The following PPP2R2B variants were observed in gnomAD, a reference collection of about 807,000 sequenced individuals.
PPP2R2B encodes protein phosphatase 2 regulatory subunit Bbeta, also known as serine/threonine-protein phosphatase 2A 55 kDa regulatory subunit B beta isoform.
PPP2R2B carries 5 observed loss-of-function variants against 46.0 expected under a neutral mutation model. The ratio of observed to expected loss-of-function variants is 0.11; its 90% CI spans 0.06 to 0.23. PPP2R2B has a LOEUF of 0.23. Among genes scored for constraint, PPP2R2B ranks in the 10% least tolerant of loss-of-function variants. PPP2R2B has a pLI of 1.00. For synonymous variants in PPP2R2B, 215 were observed against 206.7 expected (o/e 1.04, Z -0.34); for missense variants, 367 against 575.0 (o/e 0.64, Z 3.70).
At chr5:146,762,821 C>G (rs1022941268) in intron 2 of PPP2R2B, among the ~76,000 whole-genome samples, 2 of 152,164 alleles carry the variant, frequency 1.3e-5, no homozygotes, top group Non-Finnish European at 2.9e-5. Context: ...TCATAGAAGG[C>G]CTGGGCGACT....
At chr5:146,806,952 CT>C (rs1675846760) in intron 2 of PPP2R2B, among the ~76,000 whole-genome samples, 1 of 152,188 alleles carries the variant, frequency 6.6e-6, no homozygotes, top group Non-Finnish European at 1.5e-5. Context: ...AGGTCTACCC[CT>C]GTGGGTCTCC....
chr5:146,599,189 A>G (rs1771532026), intron 8 of PPP2R2B, among the ~76,000 whole-genome samples: 1 of 152,090 alleles, frequency 6.6e-6, no homozygotes, highest in Non-Finnish European at 1.5e-5. Context: ...AAACCACCCT[A>G]TACAATGCCT....
intron 1 of PPP2R2B, among the ~76,000 whole-genome samples, chr5:146,925,770 A>C (rs1763762806): frequency 6.6e-6 from 1 of 151,948 alleles, no homozygotes; most frequent in Non-Finnish European, 1.5e-5. Context: ...TTCCCCTGAC[A>C]TGGTTGTTTC....
chr5:147,078,381 C>T (rs1281102783), intron 2 of PPP2R2B, among the ~76,000 whole-genome samples: 2 of 152,112 alleles, frequency 1.3e-5, no homozygotes, highest in African/African-American at 4.8e-5. Flanking sequence ...GTCACAACGA[C>T]AAGATTTAAG....
chr5:146,916,044 C>T (rs937121906), intron 1 of PPP2R2B, among the ~76,000 whole-genome samples: 4 of 152,086 alleles, frequency 2.6e-5, no homozygotes, highest in Admixed American at 2.6e-4. Flanking sequence ...AAACTAAAAG[C>T]TCCTTGAAGA....
At chr5:146,742,905 G>T (rs1247476251) in intron 2 of PPP2R2B, among the ~76,000 whole-genome samples, 2 of 152,198 alleles carry the variant, frequency 1.3e-5, no homozygotes, top group Non-Finnish European at 2.9e-5. Flanking sequence ...TGATGCATCT[G>T]CAAGCCAAGG....
rs564098095 is a variant in PPP2R2B at position 146,735,325 on chromosome 5, A to C, written c.71-34183T>G. 6.3e-4 allele frequency among the ~76,000 whole-genome samples: 95 copies of C among 150,366 alleles called. 1 individual carries two copies. The highest frequency in any genetic ancestry group is 4.5e-3 in the South Asian group (21 of 4,636). On this transcript the variant is annotated intron_variant, in intron 2 of 9. Transcript: ENST00000394411. ...TAGCAAACAGTCCCCTCCCACCAAA[A>C]CCCCCCCCACAATCCTTCTACTCTC...
At chr5:146,778,583 T>C (rs1170352242) in intron 2 of PPP2R2B, among the ~76,000 whole-genome samples, 1 of 152,214 alleles carries the variant, frequency 6.6e-6, no homozygotes, top group East Asian at 1.9e-4. Context: ...GGTGCCACAG[T>C]ACCATCTTTC....
chr5:146,691,379 G>A (rs137904118), intron 4 of PPP2R2B, 139 bp from the exon 5 acceptor site: 16 of 633,778 alleles, frequency 2.5e-5, no homozygotes, highest in South Asian at 1.6e-4. Context: ...AACGTTTGGC[G>A]TGCATAAATC....
At chr5:146,925,077 T>C (rs754704238) in intron 1 of PPP2R2B, among the ~76,000 whole-genome samples, 9 of 152,314 alleles carry the variant, frequency 5.9e-5, no homozygotes, top group Non-Finnish European at 1.2e-4. Context: ...CTTTGTGCTA[T>C]TACTGTCCTA....
rs192836770 is a variant in PPP2R2B, at chr5:146,658,353, T to C, written c.448-7629A>G. 6.6e-5 allele frequency among the ~76,000 whole-genome samples: 10 copies of C among 152,330 alleles called. No homozygotes were observed. In the East Asian group the frequency reaches 1.9e-3, roughly 29 times the overall value. ...CGCTTCAAATTTATCACCTTGCCTT[T>C]TCACTGGGCTTCCTTCAAGAAACAG... On this transcript the variant is annotated intron_variant, in intron 5 of 9. Transcript: ENST00000394411.
chr5:146,820,742 C>T (rs969370516), intron 2 of PPP2R2B, among the ~76,000 whole-genome samples: 7 of 152,032 alleles, frequency 4.6e-5, no homozygotes, highest in Non-Finnish European at 8.8e-5. Context: ...AATTGACCTC[C>T]GTCTCCTCCC....
chr5:146,627,847 T>C (rs982836942), intron 7 of PPP2R2B, among the ~76,000 whole-genome samples: 4 of 152,186 alleles, frequency 2.6e-5, no homozygotes, highest in African/African-American at 9.6e-5. Flanking sequence ...GACAATGAAA[T>C]TTCTGATTTG....
At chr5:146,832,686 C>A (rs578151297) in intron 2 of PPP2R2B, among the ~76,000 whole-genome samples, 1 of 152,054 alleles carries the variant, frequency 6.6e-6, no homozygotes, top group East Asian at 1.9e-4. Flanking sequence ...CCACTGTGCC[C>A]GGCCATTTTT....
chr5:146,717,370 C>G (rs1205844499), intron 2 of PPP2R2B, among the ~76,000 whole-genome samples: 1 of 152,212 alleles, frequency 6.6e-6, no homozygotes, highest in Non-Finnish European at 1.5e-5. Context: ...TATGAAAAAG[C>G]TTCAAACTTG....
chr5:146,740,584 C>G (rs1360866669), intron 2 of PPP2R2B, among the ~76,000 whole-genome samples: 1 of 103,476 alleles, frequency 9.7e-6, no homozygotes. Flanking sequence ...CACACACACA[C>G]ACACACACAC....
Position 146,983,390 on chromosome 5 carries a change from C to G in PPP2R2B, c.79+72275G>C, listed in dbSNP as rs895577581. Among the ~76,000 whole-genome samples, 11 of 152,042 alleles carry G rather than the reference C, an allele frequency of 7.2e-5. No homozygotes were observed. The East Asian group carries it at 1.7e-3, about 24-fold the overall frequency. ...AGAGACGGGGTTTCACCATGTTAGCCAGGATGGTCTTGATCTCCTGACCTC... is the reference window on the plus strand; with the variant it reads ...AGAGACGGGGTTTCACCATGTTAGCGAGGATGGTCTTGATCTCCTGACCTC... On this transcript the variant is annotated intron_variant, in intron 1 of 8. Coordinates refer to the PPP2R2B transcript ENST00000336640.
intron 1 of PPP2R2B, among the ~76,000 whole-genome samples, chr5:146,968,447 C>T (rs1048287689): frequency 6.6e-6 from 1 of 152,140 alleles, no homozygotes; most frequent in Non-Finnish European, 1.5e-5. Flanking sequence ...TGATGGCCAA[C>T]TGGCTTGCTA....
At position 146,691,122 on chromosome 5, in the gene PPP2R2B, A is replaced by G; in HGVS notation, c.447+6T>C. On this transcript the variant is annotated splice_donor_region_variant and intron_variant, in intron 5 of 9. Coordinates refer to ENST00000394411, the MANE Select transcript of PPP2R2B (RefSeq NM_181675.4). ...TGTGGTGGCCAGGGCAGCTGTTTGCACTCACCCGCAGGGTTGTGATGGTGG... is the reference window on the plus strand; with the variant it reads ...TGTGGTGGCCAGGGCAGCTGTTTGCGCTCACCCGCAGGGTTGTGATGGTGG... 1.9e-6 allele frequency: 3 copies of G among 1,612,936 alleles called. No homozygotes were observed. Among genetic ancestry groups the G allele is most frequent in the South Asian group, 2.2e-5 (2 of 90,986 alleles).
Sources: allele counts gnomAD v4.1 joint callset (sites outside exome capture counted in the v4.1 genomes callset), GRCh38; gene constraint gnomAD v4.1.1; transcripts MANE v1.5; gene names NCBI Gene and HGNC (gene_info 2026-07-23, HGNC 2026-07-21).